Variants in GARNL3 observed in about 807,000 individuals in gnomAD.
GARNL3 encodes the protein GTPase-activating Rap/Ran-GAP domain-like protein 3.
GARNL3 carries 63 observed loss-of-function variants against 125.0 expected under a neutral mutation model. That is an observed-to-expected ratio of 0.50 (90% CI 0.41 to 0.62). The LOEUF is 0.62. Ranked by LOEUF, GARNL3 falls within the 20% of genes least tolerant of loss-of-function variation. GARNL3 has a pLI of 0.00. For synonymous variants in GARNL3, 439 were observed against 457.5 expected (o/e 0.96, Z 0.52); for missense variants, 994 against 1,244.0 (o/e 0.80, Z 3.02).
intron 2 of GARNL3, among the ~76,000 whole-genome samples, chr9:127,299,212 G>A (rs1327710676): frequency 1.3e-5 from 2 of 151,166 alleles, no homozygotes; most frequent in African/African-American, 4.9e-5. Flanking sequence ...AGCTACTCGG[G>A]AAGCTGAGGC....
intron 7 of GARNL3, among the ~76,000 whole-genome samples, chr9:127,326,913 G>A (rs974243853): frequency 6.6e-6 from 1 of 152,012 alleles, no homozygotes; most frequent in Non-Finnish European, 1.5e-5. Flanking sequence ...CTTGATATTG[G>A]ACCTCCCAGC....
Position 127,242,159 on chromosome 9 carries a change from GTCTT to G in GARNL3, c.-28-906_-28-903del, listed in dbSNP as rs1234188388. On this transcript the variant is annotated intron_variant, in intron 1 of 10. Transcript: ENST00000439286. The surrounding 1 kb of genome is among the most constrained non-coding windows in gnomAD (Gnocchi z 4.6). The stretch of plus-strand genomic sequence containing the variant: ...CCATTAGGCCTTTTGTCTTTTCTCA[GTCTT>G]TCTTTCTTTCTTTTTTAAATTCACT... Among the ~76,000 whole-genome samples the G allele has an allele frequency of 8.5e-5, 13 of 152,162 alleles. No individual in the cohort carries two copies. The highest frequency in any genetic ancestry group is 2.1e-4 in the South Asian group (1 of 4,820).
At chr9:127,318,374 A>T (rs1222870530) in intron 5 of GARNL3, among the ~76,000 whole-genome samples, 1 of 152,232 alleles carries the variant, frequency 6.6e-6, no homozygotes, top group Admixed American at 6.5e-5. Flanking sequence ...AGCCAAGATC[A>T]TATAGCAAGT....
Position 127,385,416 on chromosome 9 carries a change from C to T in GARNL3, c.2388+271C>T, listed in dbSNP as rs553147944. Among the ~76,000 whole-genome samples the T allele has an allele frequency of 2.6e-5, 4 of 152,104 alleles. No homozygotes were observed. Among genetic ancestry groups the T allele is most frequent in the African/African-American group, 7.2e-5 (3 of 41,416 alleles). ...GAGCACTTAGCTGAAAAGAGATATC[C>T]CCGCTCAGAGACTGGGTCAGTTATT... On this transcript the variant is annotated intron_variant, in intron 24 of 27. Coordinates refer to ENST00000373387, the MANE Select transcript of GARNL3 (RefSeq NM_032293.5). This position sits in a 1 kb window ranked among gnomAD's most constrained non-coding sequence, Gnocchi z 4.1.
chr9:127,291,459 G>A (rs2064413153), intron 2 of GARNL3, among the ~76,000 whole-genome samples: 1 of 152,212 alleles, frequency 6.6e-6, no homozygotes, highest in African/African-American at 2.4e-5. Context: ...GGTAGACACA[G>A]GAAGTTGTTC....
intron 2 of GARNL3, among the ~76,000 whole-genome samples, chr9:127,247,259 G>A (rs531189770): frequency 5.3e-4 from 81 of 152,280 alleles, no homozygotes; most frequent in African/African-American, 1.9e-3. Context: ...GAAGAGCCCA[G>A]TTACGGGCTG....
chr9:127,379,761 G>A (rs568296229), intron 22 of GARNL3, among the ~76,000 whole-genome samples: 1 of 152,312 alleles, frequency 6.6e-6, no homozygotes, highest in East Asian at 1.9e-4. Flanking sequence ...AAAATGCATA[G>A]AAGAAAATAT....
intron 6 of GARNL3, among the ~76,000 whole-genome samples, chr9:127,321,525 C>T (rs2065402676): frequency 6.6e-6 from 1 of 152,138 alleles, no homozygotes; most frequent in African/African-American, 2.4e-5. Context: ...TAAAAGGTAT[C>T]CAGAAAGCCA....
intron 2 of GARNL3, among the ~76,000 whole-genome samples, chr9:127,246,105 C>A (rs1232801407): frequency 2.0e-5 from 3 of 152,062 alleles, no homozygotes; most frequent in Admixed American, 2.0e-4. Flanking sequence ...GGGCAATGAG[C>A]CTGTGAAGGG....
rs2064906190 is a variant in GARNL3, at chr9:127,304,867, G to A, written c.220-6769G>A. Among the ~76,000 whole-genome samples the A allele has an allele frequency of 4.6e-5, 7 of 152,180 alleles. 1 individual carries two copies. The South Asian group carries it at 1.2e-3, about 27-fold the overall frequency. ...CTTTATTCTTAATAGCCAAAAACCA[G>A]AAACAATCCAAATGTCCATCAATAG... is the stretch of plus-strand genomic sequence containing the variant. On this transcript the variant is annotated intron_variant, in intron 2 of 27. Coordinates refer to ENST00000373387, the MANE Select transcript of GARNL3 (RefSeq NM_032293.5).
chr9:127,363,816 AAGG>A (rs1266837046), intron 21 of GARNL3: 1 of 152,244 alleles, frequency 6.6e-6, no homozygotes, highest in Non-Finnish European at 1.5e-5. Context: ...TGCTAACAAA[AAGG>A]AGGAGTTTTA....
chr9:127,225,785 A>C (rs1162250279), intron 1 of GARNL3, among the ~76,000 whole-genome samples: 4 of 6,148 alleles, frequency 6.5e-4, no homozygotes, highest in Admixed American at 1.7e-3. Flanking sequence ...GCAGCCGCAC[A>C]CCTGCTGCCT....
chr9:127,361,873 C>T (rs574879394), intron 21 of GARNL3: 1 of 152,292 alleles, frequency 6.6e-6, no homozygotes, highest in African/African-American at 2.4e-5. Context: ...GCCACCCTCC[C>T]TCACCCCACC....
intron 2 of GARNL3, among the ~76,000 whole-genome samples, chr9:127,253,039 G>C (rs1040410201): frequency 6.6e-6 from 1 of 152,196 alleles, no homozygotes; most frequent in Non-Finnish European, 1.5e-5. Flanking sequence ...AGATGAACCT[G>C]AGGCAACATT....
At chr9:127,292,403 C>A (rs1487418034) in intron 2 of GARNL3, among the ~76,000 whole-genome samples, 1 of 152,196 alleles carries the variant, frequency 6.6e-6, no homozygotes, top group Non-Finnish European at 1.5e-5. Context: ...CCACCACAAG[C>A]TCAGGCAGCC....
intron 22 of GARNL3, among the ~76,000 whole-genome samples, chr9:127,374,929 CAAAG>C (rs987435561): frequency 1.5e-4 from 22 of 143,980 alleles, no homozygotes; most frequent in Middle Eastern, 3.6e-3. Context: ...AAAAAAACAA[CAAAG>C]AAAAACTTTT....
At chr9:127,264,011 A>C (rs1301171406), upstream of GARNL3, 4 of 1,489,946 alleles carry the variant, frequency 2.7e-6, no homozygotes, top group Non-Finnish European at 2.7e-6. Context: ...TACTAAATGC[A>C]CCTTTCTTTG....
chr9:127,297,978 A>G (rs138280749), intron 2 of GARNL3, among the ~76,000 whole-genome samples: 22 of 152,302 alleles, frequency 1.4e-4, no homozygotes, highest in African/African-American at 4.6e-4. Flanking sequence ...CTATTTCCCA[A>G]ACTATCTGTT....
chr9:127,235,548 A>T (rs2063095252), intron 1 of GARNL3, among the ~76,000 whole-genome samples: 1 of 152,210 alleles, frequency 6.6e-6, no homozygotes, highest in African/African-American at 2.4e-5. Context: ...AGTGAAATGT[A>T]GACTTGAGAC....
Sources: allele counts gnomAD v4.1 joint callset (sites outside exome capture counted in the v4.1 genomes callset), GRCh38; gene constraint gnomAD v4.1.1; non-coding constraint Gnocchi (gnomAD v3.1); transcripts MANE v1.5; gene names NCBI Gene and HGNC (gene_info 2026-07-23, HGNC 2026-07-21).